SLC17A2: variants seen among roughly 807,000 people sequenced by gnomAD.
SLC17A2 encodes the protein solute carrier family 17 member 2.
A neutral mutation model predicts 52.1 loss-of-function variants in SLC17A2; 38 were observed. The ratio of observed to expected loss-of-function variants is 0.73; its 90% CI spans 0.56 to 0.96. SLC17A2 has a LOEUF of 0.96. Ranked by LOEUF, SLC17A2 falls within the 40% of genes least tolerant of loss-of-function variation. SLC17A2 has a pLI of 0.00. For missense variants in SLC17A2, 508 were observed against 583.9 expected (o/e 0.87, Z 1.34); for synonymous variants, 226 against 211.9 (o/e 1.07, Z -0.58).
intron 2 of SLC17A2, among the ~76,000 whole-genome samples, chr6:25,925,454 A>C (rs1283983861): frequency 6.6e-6 from 1 of 150,420 alleles, no homozygotes. Flanking sequence ...CAGAGGTTGC[A>C]GTGAGCCGAG....
At chr6:25,915,016 A>G (rs956765179) in intron 10 of SLC17A2, among the ~76,000 whole-genome samples, 11 of 151,636 alleles carry the variant, frequency 7.3e-5, no homozygotes, top group African/African-American at 2.7e-4. Flanking sequence ...TAGTCACACC[A>G]TTTAACCTCC....
chr6:25,923,861 T>C lies in SLC17A2; in HGVS notation c.74A>G (p.His25Arg). 6.2e-7 allele frequency: 1 copy of C among 1,614,192 alleles called. No individual in the cohort carries two copies. The highest frequency in any genetic ancestry group is 2.2e-5 in the East Asian group (1 of 44,878). ...CGTTATCATGGTGAAGTTTGAGAAG[T>C]GCATGATAAGAGCCAGCCCATAGCG... ...SLRYGLALIM[H>R]FSNFTMITQR... Residue 25 changes from histidine (H) to arginine (R), a missense_variant, in exon 3 of 12, where the codon CAC becomes CGC. Transcript: ENST00000377850.
At chr6:25,927,679 C>T (rs1299538751) in intron 1 of SLC17A2, among the ~76,000 whole-genome samples, 3 of 152,180 alleles carry the variant, frequency 2.0e-5, no homozygotes, top group Non-Finnish European at 4.4e-5. Context: ...GGAATAGTAT[C>T]TCTCCATCTA....
rs550142629 is a variant in SLC17A2 at position 25,929,703 on chromosome 6, C to G, written c.-84+574G>C. On this transcript the variant is annotated intron_variant, in intron 1 of 11. Coordinates refer to ENST00000377850, the MANE Select transcript of SLC17A2 (RefSeq NM_001286123.3). ...AATGTCCCTGGGTGCCTTTTCTTAG[C>G]TGTACAATGAGGGCAACAAGCTAGG... is the stretch of plus-strand genomic sequence containing the variant. 3.9e-5 allele frequency among the ~76,000 whole-genome samples: 6 copies of G among 152,296 alleles called. No individual in the cohort carries two copies. The South Asian group carries it at 1.2e-3, about 32-fold the overall frequency.
chr6:25,924,577 G>A (rs72832571), intron 2 of SLC17A2, among the ~76,000 whole-genome samples: 11,393 of 151,932 alleles, frequency 0.075, 529 homozygotes, highest in Non-Finnish European at 0.1. Flanking sequence ...GGGAGGCTAA[G>A]GCAGGTGGAT....
At chr6:25,917,470 CATACACGAA>C (rs1458271926) in intron 6 of SLC17A2, among the ~76,000 whole-genome samples, 1 of 152,206 alleles carries the variant, frequency 6.6e-6, no homozygotes, top group African/African-American at 2.4e-5. Context: ...TGCAGTCATA[CATACACGAA>C]ACAACCTTCC....
intron 10 of SLC17A2, 50 bp downstream of exon 10, chr6:25,915,449 A>G: frequency 6.7e-7 from 1 of 1,496,064 alleles, no homozygotes; most frequent in Non-Finnish European, 8.9e-7. Context: ...CTGAGGTCTA[A>G]CACCTCTGGA....
chr6:25,925,611 G>T lies in SLC17A2; in HGVS notation c.28+158C>A, dbSNP rs529709934. 2.3e-4 allele frequency among the ~76,000 whole-genome samples: 35 copies of T among 152,228 alleles called. 1 individual carries two copies. The South Asian group carries it at 7.3e-3, about 32-fold the overall frequency. ...TAATTTCTCACAGATGATTTCATGGGGCTAAGGAAAAAGCAACAGGATCAG... is the reference window on the plus strand; with the variant it reads ...TAATTTCTCACAGATGATTTCATGGTGCTAAGGAAAAAGCAACAGGATCAG... On this transcript the variant is annotated intron_variant, in intron 2 of 11. Coordinates refer to ENST00000377850, the MANE Select transcript of SLC17A2 (RefSeq NM_001286123.3).
chr6:25,915,771 C>T lies in SLC17A2; in HGVS notation c.1028G>A (p.Arg343Lys). The T allele has an allele frequency of 1.9e-6, 3 of 1,614,198 alleles. No homozygotes were observed. Among genetic ancestry groups the T allele is most frequent in the Non-Finnish European group, 2.5e-6 (3 of 1,180,032 alleles). The change falls in exon 9 of 12, where the codon AGA becomes AAA. Residue 343 changes from arginine (R) to lysine (K), a missense_variant. Arg to Lys is a conservative substitution (Grantham distance 26). Coordinates refer to ENST00000377850, the MANE Select transcript of SLC17A2 (RefSeq NM_001286123.3). ...AAAGAGCTTTCGCACAGTGATCAATCTGAGAAGATTCCTGGACAAAAGGAA... is the reference window on the plus strand; with the variant it reads ...AAAGAGCTTTCGCACAGTGATCAATTTGAGAAGATTCCTGGACAAAAGGAA... ...ADFLLSRNLL[R>K]LITVRKLFSS...
intron 1 of SLC17A2, 133 bp from the exon 2 acceptor site, chr6:25,926,012 A>G (rs1561882907): frequency 1.6e-6 from 1 of 607,470 alleles, no homozygotes; most frequent in Non-Finnish European, 2.9e-6. Flanking sequence ...CACTACTGGT[A>G]TGCTTTTGGT....
At chr6:25,924,560 G>A (rs999318369) in intron 2 of SLC17A2, among the ~76,000 whole-genome samples, 7 of 151,606 alleles carry the variant, frequency 4.6e-5, no homozygotes, top group Non-Finnish European at 1.0e-4. Flanking sequence ...TGTAGTCCCA[G>A]CATTTTGGGA....
chr6:25,926,278 G>A (rs1766760611), intron 1 of SLC17A2, among the ~76,000 whole-genome samples: 1 of 152,098 alleles, frequency 6.6e-6, no homozygotes, highest in Admixed American at 6.6e-5. Context: ...GAGCTAAGGA[G>A]GAAGGTTCCA....
chr6:25,919,434 G>A (rs10456326), intron 5 of SLC17A2, among the ~76,000 whole-genome samples: 25,538 of 151,754 alleles, frequency 0.17, 2,733 homozygotes, highest in Non-Finnish European at 0.23. Flanking sequence ...TTGGCCGGGC[G>A]CGGTGGCTCA....
chr6:25,920,451 C>A (rs1459451234), intron 5 of SLC17A2, among the ~76,000 whole-genome samples: 1 of 152,136 alleles, frequency 6.6e-6, no homozygotes, highest in Non-Finnish European at 1.5e-5. Flanking sequence ...TGTATTTGGG[C>A]AATTTTCTTA....
chr6:25,914,694 T>C (rs1393654778), intron 10 of SLC17A2, 24 bp from the exon 11 acceptor site: 1 of 1,461,034 alleles, frequency 6.8e-7, no homozygotes, highest in Admixed American at 1.7e-5. Flanking sequence ...ATTTTATAAA[T>C]GATTTTATAT....
Position 25,913,022 on chromosome 6 carries a change from G to A in SLC17A2, c.*295C>T. ...ACTTTCCAATGAGGAAAATTCAAAG[G>A]CCACATGAATTGACTTTTCAAGTTT... On this transcript the variant is annotated 3_prime_UTR_variant, in exon 12 of 12. Coordinates refer to ENST00000377850, the MANE Select transcript of SLC17A2 (RefSeq NM_001286123.3). 3.6e-6 allele frequency: 1 copy of A among 281,096 alleles called. No homozygotes were observed. The highest frequency in any genetic ancestry group is 6.7e-6 in the Non-Finnish European group (1 of 149,766). 17.4% of individuals were successfully genotyped at this position (281,096 alleles called of 1,614,324 possible).
chr6:25,913,118 G>T lies in SLC17A2; in HGVS notation c.*199C>A. 1 of 558,998 alleles carries T rather than the reference G, an allele frequency of 1.8e-6. No homozygotes were observed. The highest frequency in any genetic ancestry group is 2.8e-5 in the East Asian group (1 of 35,504). The allele number at this position is 558,998 out of a possible 1,614,324, so 34.6% of individuals were successfully genotyped here. ...AGTATCTAAAAATTAGTAGTATCTG[G>T]GTTCCACCCCAGACCAATTCATTCA... On this transcript the variant is annotated 3_prime_UTR_variant, in exon 12 of 12. Coordinates refer to ENST00000377850, the MANE Select transcript of SLC17A2 (RefSeq NM_001286123.3).
chr6:25,915,915 A>G (rs1476886592), intron 8 of SLC17A2, 47 bp from the exon 9 acceptor site: 1 of 1,584,490 alleles, frequency 6.3e-7, no homozygotes, highest in East Asian at 2.3e-5. Flanking sequence ...ATACGTTAGC[A>G]CCAAAATTTG....
chr6:25,925,596 CAG>C (rs1363355468), intron 2 of SLC17A2, among the ~76,000 whole-genome samples, 171 bp downstream of exon 2: 3 of 151,906 alleles, frequency 2.0e-5, no homozygotes, highest in Non-Finnish European at 1.5e-5. Flanking sequence ...TAATTTCTCA[CAG>C]ATGATTTCAT....
Sources: gnomAD v4.1 joint callset for allele counts (sites outside exome capture counted in the v4.1 genomes callset) on GRCh38, gnomAD v4.1.1 for gene constraint, MANE v1.5 for transcripts, NCBI Gene and HGNC (gene_info 2026-07-23, HGNC 2026-07-21) for gene names.